The following LDB2 variants were observed in gnomAD, a reference collection of about 807,000 sequenced individuals.
LDB2 encodes the protein LIM domain binding 2.
A neutral mutation model predicts 44.3 loss-of-function variants in LDB2; 12 were observed. That is an observed-to-expected ratio of 0.27 (90% CI 0.17 to 0.44). LDB2 has a LOEUF of 0.44. Among genes scored for constraint, LDB2 ranks in the 20% least tolerant of loss-of-function variants. The probability of loss-of-function intolerance (pLI) is 1.00; values close to 1 mark genes in which losing one functional copy is unlikely to be tolerated. For missense variants in LDB2, 344 were observed against 473.5 expected, an observed-to-expected ratio of 0.73 and a Z score of 2.54; for synonymous variants, 164 against 174.8, an observed-to-expected ratio of 0.94 and a Z score of 0.49.
chr4:16,802,574 A>C (rs1778047077), intron 1 of LDB2, among the ~76,000 whole-genome samples: 1 of 152,174 alleles, frequency 6.6e-6, no homozygotes, highest in African/African-American at 2.4e-5. Flanking sequence ...TAAAAGAAAC[A>C]CTAGAAGAGA....
At chr4:16,634,444 C>T (rs1229211034) in intron 2 of LDB2, among the ~76,000 whole-genome samples, 1 of 151,874 alleles carries the variant, frequency 6.6e-6, no homozygotes, top group Non-Finnish European at 1.5e-5. Flanking sequence ...AATAAATTTA[C>T]AAGAAAAAAG....
At chr4:16,615,103 A>G (rs1041165977) in intron 2 of LDB2, among the ~76,000 whole-genome samples, 12 of 151,602 alleles carry the variant, frequency 7.9e-5, no homozygotes, top group Admixed American at 1.3e-4. Flanking sequence ...GTCAAGAAAC[A>G]ATAGATGCTG....
rs533866149 is a variant in LDB2, at chr4:16,584,053, A to T, written c.615+1869T>A. 9.2e-5 allele frequency among the ~76,000 whole-genome samples: 14 copies of T among 152,324 alleles called. No individual in the cohort carries two copies. The East Asian group carries it at 2.3e-3, about 25-fold the overall frequency. ...CGACGCACAAGTCAGGAAATAAAGT[A>T]GCATTAGACACCCCCAGAGTGAGAG... On this transcript the variant is annotated intron_variant, in intron 5 of 7. Coordinates refer to ENST00000304523, the MANE Select transcript of LDB2 (RefSeq NM_001290.5).
rs148688305 is a variant in LDB2, at chr4:16,689,496, A to G, written c.235+69662T>C. Reference sequence around the variant, plus strand: ...AACAGCCTGTGAGCTTTTCAAAGATAAGCTCTATGGTGGAGTCTTTGTGGT... The same window carrying G: ...AACAGCCTGTGAGCTTTTCAAAGATGAGCTCTATGGTGGAGTCTTTGTGGT... On this transcript the variant is annotated intron_variant, in intron 2 of 7. Transcript: ENST00000304523. Among the ~76,000 whole-genome samples the G allele has an allele frequency of 1.6e-4, 25 of 152,344 alleles. No individual in the cohort carries two copies. The East Asian group carries it at 4.8e-3, about 29-fold the overall frequency.
chr4:16,889,792 A>C (rs879934589), intron 1 of LDB2, among the ~76,000 whole-genome samples: 4 of 152,350 alleles, frequency 2.6e-5, no homozygotes, highest in African/African-American at 4.8e-5. Flanking sequence ...GAAATAAACA[A>C]GAAGCAAGAA....
chr4:16,786,868 A>G (rs1663848321), intron 1 of LDB2, among the ~76,000 whole-genome samples: 1 of 151,914 alleles, frequency 6.6e-6, no homozygotes, highest in Admixed American at 6.6e-5. Context: ...AGCCCTGCAC[A>G]CTCTATTCCC....
chr4:16,846,827 C>T (rs916332705), intron 1 of LDB2, among the ~76,000 whole-genome samples: 2 of 152,128 alleles, frequency 1.3e-5, no homozygotes, highest in African/African-American at 4.8e-5. Context: ...AGTGCTTTGT[C>T]ACAAAAATAT....
intron 2 of LDB2, among the ~76,000 whole-genome samples, chr4:16,673,158 G>C (rs1034630504): frequency 6.6e-6 from 1 of 152,136 alleles, no homozygotes; most frequent in Non-Finnish European, 1.5e-5. Flanking sequence ...TTCAGGGAAA[G>C]GGGCATGAAT....
chr4:16,625,964 C>A (rs1355562861), intron 2 of LDB2, among the ~76,000 whole-genome samples: 1 of 152,142 alleles, frequency 6.6e-6, no homozygotes, highest in African/African-American at 2.4e-5. Flanking sequence ...TTGGACACAA[C>A]CTATATCACT....
chr4:16,593,778 C>T (rs1719938560), intron 3 of LDB2, among the ~76,000 whole-genome samples: 1 of 152,138 alleles, frequency 6.6e-6, no homozygotes, highest in Admixed American at 6.5e-5. Flanking sequence ...ATCACTCAAC[C>T]ATCTGAGAGG....
chr4:16,657,520 C>T lies in LDB2; in HGVS notation c.236-61645G>A, dbSNP rs560165317. On this transcript the variant is annotated intron_variant, in intron 2 of 7. Transcript: ENST00000304523. ...AGCGTGATCTTTTAGAAATGGAAAT[C>T]AGATCTTAGTTTCATCAAACTTGGA... 2.0e-4 allele frequency among the ~76,000 whole-genome samples: 31 copies of T among 152,304 alleles called. No individual in the cohort carries two copies. The South Asian group carries it at 6.2e-3, about 31-fold the overall frequency.
intron 2 of LDB2, among the ~76,000 whole-genome samples, chr4:16,702,322 A>T (rs558875938): frequency 1.2e-3 from 180 of 152,292 alleles, no homozygotes; most frequent in African/African-American, 4.1e-3. Flanking sequence ...ATGGTTGTCA[A>T]CGTATTTCCT....
intron 1 of LDB2, among the ~76,000 whole-genome samples, chr4:16,834,754 G>C (rs1321691286): frequency 6.6e-6 from 1 of 151,914 alleles, no homozygotes; most frequent in Non-Finnish European, 1.5e-5. Context: ...TTGAACCCCG[G>C]AGTCGGAGTT....
chr4:16,595,110 T>C (rs1375264361), intron 3 of LDB2, among the ~76,000 whole-genome samples: 1 of 152,182 alleles, frequency 6.6e-6, no homozygotes, highest in Non-Finnish European at 1.5e-5. Flanking sequence ...ACAGCCTTCA[T>C]GGGGCTTTGA....
chr4:16,659,780 A>G (rs1176085391), intron 2 of LDB2, among the ~76,000 whole-genome samples: 1 of 151,910 alleles, frequency 6.6e-6, no homozygotes, highest in Non-Finnish European at 1.5e-5. Flanking sequence ...CAAAGAAAAC[A>G]GAATTATTTT....
intron 1 of LDB2, among the ~76,000 whole-genome samples, chr4:16,858,218 T>C (rs1789765196): frequency 6.6e-6 from 1 of 152,198 alleles, no homozygotes. Context: ...GATGAGTCAC[T>C]TCCCAGGTTC....
chr4:16,546,498 C>G (rs1015908365), intron 5 of LDB2, among the ~76,000 whole-genome samples: 1 of 152,206 alleles, frequency 6.6e-6, no homozygotes, highest in Non-Finnish European at 1.5e-5. Flanking sequence ...ATGTAAGCAT[C>G]AGAGAATCTG....
At chr4:16,773,688 C>T (rs545404906) in intron 1 of LDB2, among the ~76,000 whole-genome samples, 4 of 152,050 alleles carry the variant, frequency 2.6e-5, no homozygotes, top group African/African-American at 7.2e-5. Flanking sequence ...CTGTTAGGAA[C>T]CCGTACTCCC....
chr4:16,854,208 A>C (rs1312816397), intron 1 of LDB2, among the ~76,000 whole-genome samples: 1 of 152,146 alleles, frequency 6.6e-6, no homozygotes, highest in African/African-American at 2.4e-5. Context: ...TATTTGCTTT[A>C]CTATAGTAGC....
Sources: allele counts gnomAD v4.1 joint callset (sites outside exome capture counted in the v4.1 genomes callset), GRCh38; gene constraint gnomAD v4.1.1; transcripts MANE v1.5; gene names NCBI Gene and HGNC (gene_info 2026-07-23, HGNC 2026-07-21).